Variants in OCA2 observed in about 807,000 individuals in gnomAD.
OCA2 encodes the protein OCA2 melanosomal transmembrane protein, also known as P protein.
In OCA2, 77 loss-of-function variants were observed where a neutral mutation model predicts 100.2. The ratio of observed to expected loss-of-function variants is 0.77; its 90% CI spans 0.64 to 0.93. The LOEUF is 0.93. Ranked by LOEUF, OCA2 falls within the 40% of genes least tolerant of loss-of-function variation. The pLI, the probability that OCA2 is intolerant of heterozygous loss-of-function variation, is 0.00. For missense variants in OCA2, 1,062 were observed against 1,089.1 expected (o/e 0.98, Z 0.35); for synonymous variants, 432 against 439.2 (o/e 0.98, Z 0.21).
chr15:28,026,931 C>T lies in OCA2; in HGVS notation c.515+940G>A, dbSNP rs183847326. ...CTTAGTGTAGGCCCGTGAGAGGCCACAAAGCCAGGAGGGCATCGCGTGACA... is the reference window on the plus strand; with the variant it reads ...CTTAGTGTAGGCCCGTGAGAGGCCATAAAGCCAGGAGGGCATCGCGTGACA... On this transcript the variant is annotated intron_variant, in intron 4 of 23. Transcript: ENST00000354638. Among the ~76,000 whole-genome samples, 3 of 152,340 alleles carry T rather than the reference C, an allele frequency of 2.0e-5. No individual in the cohort carries two copies. The East Asian group carries it at 5.8e-4, about 29-fold the overall frequency.
chr15:27,800,915 C>A (rs2033573516), intron 23 of OCA2, among the ~76,000 whole-genome samples: 1 of 103,856 alleles, frequency 9.6e-6, no homozygotes, highest in Admixed American at 1.1e-4. Flanking sequence ...CTGCAGGAAC[C>A]AAGACTGCAT....
At chr15:28,030,920 T>C (rs559474907) in intron 3 of OCA2, among the ~76,000 whole-genome samples, 1 of 152,214 alleles carries the variant, frequency 6.6e-6, no homozygotes, top group South Asian at 2.1e-4. Flanking sequence ...CTTACCTACA[T>C]TGTTTTGTAA....
intron 18 of OCA2, among the ~76,000 whole-genome samples, chr15:27,931,008 T>C (rs757014074): frequency 5.9e-5 from 9 of 152,190 alleles, no homozygotes; most frequent in Non-Finnish European, 4.4e-5. Context: ...TTGATAGTTA[T>C]GTGTGTGACT....
chr15:27,991,102 G>C (rs1320879460), intron 9 of OCA2, among the ~76,000 whole-genome samples: 1 of 152,124 alleles, frequency 6.6e-6, no homozygotes, highest in Non-Finnish European at 1.5e-5. Flanking sequence ...TTTTCTATTT[G>C]ATTATAATTC....
rs2039032187 is a variant in OCA2 at position 27,926,128 on chromosome 15, T to A, written c.2078A>T (p.Glu693Val). The change falls in exon 19 of 24, where the codon GAG (glutamate) becomes GTG (valine). Residue 693 changes from glutamate (E) to valine (V), a missense_variant and splice_region_variant. Coordinates refer to ENST00000354638, the MANE Select transcript of OCA2 (RefSeq NM_000275.3). The stretch of plus-strand genomic sequence containing the variant: ...ATGGCAAAAGTTCTAAAATCTTACC[T>A]CCATCAGAACAAAGAGCGCTGCAAA... ...LFFAALFVLM[E>V]ALAHLHLIEY... 3 of 1,614,058 alleles carry A rather than the reference T, an allele frequency of 1.9e-6. No individual in the cohort carries two copies. The African/African-American group carries it at 4.0e-5, about 22-fold the overall frequency.
the OCA2 span, among the ~76,000 whole-genome samples, chr15:27,732,243 C>T: frequency 6.6e-6 from 1 of 152,294 alleles, no homozygotes; most frequent in Non-Finnish European, 1.5e-5. Context: ...ATAGCCAGGG[C>T]TGGGGATCTT....
At chr15:28,060,759 A>AC (rs2043848917) in intron 2 of OCA2, among the ~76,000 whole-genome samples, 2 of 152,340 alleles carry the variant, frequency 1.3e-5, no homozygotes, top group East Asian at 3.9e-4. Context: ...TGGGCTTGAA[A>AC]ATCAGCCCTG....
At chr15:28,081,944 T>A in intron 1 of OCA2, 49 bp from the exon 2 acceptor site, 2 of 1,451,258 alleles carry the variant, frequency 1.4e-6, no homozygotes, top group Non-Finnish European at 1.9e-6. Flanking sequence ...ACACTGAGAC[T>A]AACGTTTGCA....
chr15:27,804,646 G>C lies in OCA2; in HGVS notation c.2432+40313C>G, dbSNP rs79505644. 2.6e-3 allele frequency among the ~76,000 whole-genome samples: 400 copies of C among 152,312 alleles called. 6 individuals carry two copies. The highest frequency in any genetic ancestry group is 9.2e-3 in the African/African-American group (382 of 41,570). On this transcript the variant is annotated intron_variant, in intron 23 of 23. Transcript: ENST00000354638. The stretch of plus-strand genomic sequence containing the variant: ...AATGCTAGCACCACAACGGACTTCA[G>C]AAACCATCTGGTTTCTCTTCTTTTC...
chr15:27,951,940 T>C (rs781460149), intron 17 of OCA2, 48 bp from the exon 18 acceptor site: 5 of 1,255,364 alleles, frequency 4.0e-6, no homozygotes, highest in Non-Finnish European at 4.7e-6. Context: ...ACCTTCTGAC[T>C]CCTGCAGCGT....
chr15:28,051,465 T>TG (rs1389750832), intron 2 of OCA2, among the ~76,000 whole-genome samples: 1 of 152,032 alleles, frequency 6.6e-6, no homozygotes, highest in East Asian at 1.9e-4. Context: ...CCTAATTTTG[T>TG]TTTTTTAGCA....
intron 18 of OCA2, among the ~76,000 whole-genome samples, chr15:27,940,645 T>C (rs931925481): frequency 3.3e-5 from 5 of 152,212 alleles, no homozygotes; most frequent in African/African-American, 1.2e-4. Flanking sequence ...TCCTGATACA[T>C]CCGGCACAAG....
At chr15:28,048,586 A>G (rs2043412510) in intron 2 of OCA2, among the ~76,000 whole-genome samples, 1 of 152,174 alleles carries the variant, frequency 6.6e-6, no homozygotes, top group South Asian at 2.1e-4. Flanking sequence ...AAATTCTTAG[A>G]AAAAAACAAA....
In OCA2 at chr15:28,014,882, G is replaced by T. The variant is rs1030027107; in HGVS notation, c.938C>A (p.Ala313Asp). The T allele has an allele frequency of 6.2e-7, 1 of 1,614,074 alleles. No homozygotes were observed. The highest frequency in any genetic ancestry group is 1.3e-5 in the African/African-American group (1 of 74,924). The change falls in exon 9 of 24, where the codon GCT becomes GAT. Residue 313 changes from alanine (A) to aspartate (D), a missense_variant. Coordinates refer to ENST00000354638, the MANE Select transcript of OCA2 (RefSeq NM_000275.3). ...SIRASLQQTQ[A>D]VPLLMAHQYL... ...CTGATGAGCCATCAAAAGAGGGACA[G>T]CCTGGGTCTGCTGCAGGGAGGCCCG...
intron 21 of OCA2, among the ~76,000 whole-genome samples, chr15:27,853,963 TC>T (rs2035859475): frequency 6.6e-6 from 1 of 152,168 alleles, no homozygotes; most frequent in Non-Finnish European, 1.5e-5. Flanking sequence ...GGGTGCTCAG[TC>T]CCCCAATGTC....
At chr15:28,027,071 T>C (rs2042771986) in intron 4 of OCA2, among the ~76,000 whole-genome samples, 1 of 152,162 alleles carries the variant, frequency 6.6e-6, no homozygotes. Flanking sequence ...GTCCTGGAAA[T>C]GATGCTTTCA....
Position 27,776,097 on chromosome 15 carries a change from G to T in OCA2, c.2433-20625C>A, listed in dbSNP as rs151093892. On this transcript the variant is annotated intron_variant, in intron 23 of 23. Coordinates refer to ENST00000354638, the MANE Select transcript of OCA2 (RefSeq NM_000275.3). Reference sequence around the variant, plus strand: ...AGTCATAATTTCCTCTTTAGCCTTTGTAGTCTGTCACCCATGAAATCCTAG... The same window carrying T: ...AGTCATAATTTCCTCTTTAGCCTTTTTAGTCTGTCACCCATGAAATCCTAG... Among the ~76,000 whole-genome samples, 421 of 152,302 alleles carry T rather than the reference G, an allele frequency of 2.8e-3. 6 individuals carry two copies. Among genetic ancestry groups the T allele is most frequent in the African/African-American group, 9.6e-3 (400 of 41,566 alleles).
At chr15:27,728,920 T>C in the OCA2 span, among the ~76,000 whole-genome samples, 1 of 151,656 alleles carries the variant, frequency 6.6e-6, no homozygotes, top group Admixed American at 6.6e-5. Context: ...GGACTGAGAG[T>C]TTTTCAAACG....
chr15:27,849,277 A>T (rs1008905706), intron 22 of OCA2, among the ~76,000 whole-genome samples: 1 of 152,096 alleles, frequency 6.6e-6, no homozygotes, highest in East Asian at 1.9e-4. Flanking sequence ...TTGAGAAAAT[A>T]GTCACATGCT....
Sources: gnomAD v4.1 joint callset for allele counts (sites outside exome capture counted in the v4.1 genomes callset) on GRCh38, gnomAD v4.1.1 for gene constraint, MANE v1.5 for transcripts, NCBI Gene and HGNC (gene_info 2026-07-23, HGNC 2026-07-21) for gene names.